Variants in CRCP observed in about 807,000 individuals in gnomAD.
CRCP encodes the protein DNA-directed RNA polymerase III subunit RPC9.
In CRCP, 18 loss-of-function variants were observed where a neutral mutation model predicts 18.5. The ratio of observed to expected loss-of-function variants is 0.97; its 90% CI spans 0.67 to 1.44. The LOEUF (loss-of-function observed/expected upper bound fraction) is 1.44. CRCP is among the 40% of genes most tolerant of loss of function. The pLI is 0.00. For missense variants in CRCP, 130 were observed against 176.4 expected (o/e 0.74, Z 1.49); for synonymous variants, 53 against 62.9 (o/e 0.84, Z 0.75).
rs114249899 is a variant in CRCP at position 66,118,306 on chromosome 7, A to G, written c.8+3336A>G. On this transcript the variant is annotated intron_variant, in intron 1 of 5. Coordinates refer to ENST00000395326, the MANE Select transcript of CRCP (RefSeq NM_014478.5). ...TTCTTGAAGGTTGTGTCCCTTTTCAAAGTTGCCTTTCGTCTTCAGTAAGTC... is the reference window on the plus strand; with the variant it reads ...TTCTTGAAGGTTGTGTCCCTTTTCAGAGTTGCCTTTCGTCTTCAGTAAGTC... 7.5e-3 allele frequency among the ~76,000 whole-genome samples: 1,137 copies of G among 152,274 alleles called. 17 individuals are homozygous for G. Among genetic ancestry groups the G allele is most frequent in the African/African-American group, 0.026 (1,068 of 41,566 alleles).
intron 5 of CRCP, 111 bp from the exon 6 acceptor site, chr7:66,152,097 G>A (rs1788494903): frequency 1.6e-6 from 2 of 1,213,000 alleles, no homozygotes; most frequent in Non-Finnish European, 2.3e-6. Flanking sequence ...GACCCAGGCT[G>A]TGAGGTCTGT....
In CRCP at chr7:66,114,854, A is replaced by G; in HGVS notation, c.-109A>G. 6.3e-7 allele frequency: 1 copy of G among 1,599,796 alleles called. No individual in the cohort carries two copies. Among genetic ancestry groups the G allele is most frequent in the Non-Finnish European group, 8.6e-7 (1 of 1,168,980 alleles). On this transcript the variant is annotated 5_prime_UTR_variant, in exon 1 of 6. Coordinates refer to ENST00000395326, the MANE Select transcript of CRCP (RefSeq NM_014478.5). ...ATGCAGCGCGGCGATCCCGGCGAGC[A>G]CCTTGGCGCGCGGAGCTGGCACCTT...
At chr7:66,151,726 A>C (rs1788476035) in intron 5 of CRCP, among the ~76,000 whole-genome samples, 2 of 119,528 alleles carry the variant, frequency 1.7e-5, no homozygotes, top group Non-Finnish European at 3.6e-5. Context: ...TGGTTATATA[A>C]CTTAGCTTTT....
chr7:66,114,818 A>G, upstream of CRCP: 1 of 1,583,424 alleles, frequency 6.3e-7, no homozygotes. Context: ...CGGGTCCGCC[A>G]AGCTCCCGGC....
intron 1 of CRCP, among the ~76,000 whole-genome samples, chr7:66,115,297 T>C (rs886144285): frequency 2.6e-5 from 4 of 152,190 alleles, no homozygotes; most frequent in African/African-American, 9.7e-5. Flanking sequence ...CCCAGTCTGG[T>C]ATCCGACCCC....
rs141172004 is a variant in CRCP, at chr7:66,143,371, C to G, written c.240-2072C>G. Among the ~76,000 whole-genome samples, 575 of 152,310 alleles carry G rather than the reference C, an allele frequency of 3.8e-3. 22 individuals are homozygous for G. In the East Asian group the frequency reaches 0.097, roughly 26 times the overall value. On this transcript the variant is annotated intron_variant, in intron 4 of 5. Coordinates refer to ENST00000395326, the MANE Select transcript of CRCP (RefSeq NM_014478.5). ...ACACCCAGCCTCTTGATAGTCAGGG[C>G]CCTTTCGATCTTGTCCCAAATGACT...
intron 1 of CRCP, among the ~76,000 whole-genome samples, chr7:66,124,540 C>T (rs997661484): frequency 6.9e-6 from 1 of 145,858 alleles, no homozygotes. Flanking sequence ...CCTTCCCTTC[C>T]TTCCTTCCTT....
chr7:66,139,710 T>C (rs1788076678), intron 4 of CRCP, among the ~76,000 whole-genome samples: 1 of 152,250 alleles, frequency 6.6e-6, no homozygotes, highest in South Asian at 2.1e-4. Context: ...CATATGGGAC[T>C]GGACTGGCGG....
chr7:66,119,674 C>T (rs913385185), intron 1 of CRCP: 3 of 152,150 alleles, frequency 2.0e-5, no homozygotes, highest in African/African-American at 7.2e-5. Flanking sequence ...TCACAGAAGT[C>T]TTCTGTATTG....
At chr7:66,122,335 A>G (rs1273152235) in intron 1 of CRCP, among the ~76,000 whole-genome samples, 1 of 145,854 alleles carries the variant, frequency 6.9e-6, no homozygotes, top group Non-Finnish European at 1.5e-5. Flanking sequence ...AGATCGCGCC[A>G]CTGCACTCCA....
intron 1 of CRCP, among the ~76,000 whole-genome samples, chr7:66,124,901 C>T (rs183286058): frequency 6.7e-6 from 1 of 149,222 alleles, no homozygotes; most frequent in Non-Finnish European, 1.5e-5. Flanking sequence ...TCTTCAGTTG[C>T]CATAATAGTG....
intron 4 of CRCP, among the ~76,000 whole-genome samples, chr7:66,141,315 T>C (rs992550152): frequency 6.6e-6 from 1 of 152,210 alleles, no homozygotes; most frequent in African/African-American, 2.4e-5. Flanking sequence ...CTAGATCTTA[T>C]TCATTCTTTC....
chr7:66,132,658 G>A (rs955199622), intron 3 of CRCP, among the ~76,000 whole-genome samples: 1 of 152,130 alleles, frequency 6.6e-6, no homozygotes, highest in Non-Finnish European at 1.5e-5. Flanking sequence ...GCTCACACTT[G>A]TAATCCCAGC....
chr7:66,127,659 A>G (rs201762885), intron 1 of CRCP, 45 bp from the exon 2 acceptor site: 1 of 1,608,530 alleles, frequency 6.2e-7, no homozygotes, highest in Non-Finnish European at 8.5e-7. Context: ...ATACCCAGAA[A>G]GGGGTGTGAG....
chr7:66,142,281 C>A (rs977367718), intron 4 of CRCP, among the ~76,000 whole-genome samples: 2 of 152,156 alleles, frequency 1.3e-5, no homozygotes, highest in Non-Finnish European at 2.9e-5. Context: ...TCAGCCTCTC[C>A]ATGTGTTTGT....
At chr7:66,139,560 G>C (rs1439691048) in intron 4 of CRCP, among the ~76,000 whole-genome samples, 1 of 152,158 alleles carries the variant, frequency 6.6e-6, no homozygotes. Flanking sequence ...ATATTGTTTA[G>C]ACTCTGGGTC....
chr7:66,137,077 C>CA (rs1009843176), intron 4 of CRCP, among the ~76,000 whole-genome samples: 16 of 145,496 alleles, frequency 1.1e-4, no homozygotes, highest in Non-Finnish European at 2.0e-4. Flanking sequence ...GAGACTGTCT[C>CA]AAAAAAAAAT....
intron 5 of CRCP, among the ~76,000 whole-genome samples, chr7:66,147,157 A>C (rs1319683774): frequency 6.6e-6 from 1 of 151,968 alleles, no homozygotes; most frequent in Non-Finnish European, 1.5e-5. Context: ...GCCTGGCTAA[A>C]GTGGTAAAAC....
chr7:66,125,146 C>A lies in CRCP; in HGVS notation c.9-2558C>A, dbSNP rs546397662. Among the ~76,000 whole-genome samples the A allele has an allele frequency of 2.0e-5, 3 of 149,290 alleles. No individual in the cohort carries two copies. The East Asian group carries it at 6.0e-4, about 30-fold the overall frequency. ...TCATGGATAGATTTGAATTAAACATCTTGGGGCTGGATTGCTCTGAGGGAT... is the reference window on the plus strand; with the variant it reads ...TCATGGATAGATTTGAATTAAACATATTGGGGCTGGATTGCTCTGAGGGAT... On this transcript the variant is annotated intron_variant, in intron 1 of 5. Coordinates refer to ENST00000395326, the MANE Select transcript of CRCP (RefSeq NM_014478.5).
Sources: allele counts gnomAD v4.1 joint callset (sites outside exome capture counted in the v4.1 genomes callset), GRCh38; gene constraint gnomAD v4.1.1; transcripts MANE v1.5; gene names NCBI Gene and HGNC (gene_info 2026-07-23, HGNC 2026-07-21).